The following MGMT variants were observed in gnomAD, a reference collection of about 807,000 sequenced individuals.
MGMT encodes methylated-DNA--protein-cysteine methyltransferase.
Under a neutral mutation model 15.9 loss-of-function variants are expected in MGMT, and 14 were observed. That is an observed-to-expected ratio of 0.88 (90% CI 0.58 to 1.37). The LOEUF (loss-of-function observed/expected upper bound fraction) is 1.37. Ranked by LOEUF, MGMT falls within the 40% of genes most tolerant of loss-of-function variation. MGMT has a pLI of 0.00. For synonymous variants in MGMT, 130 were observed against 118.2 expected, an observed-to-expected ratio of 1.10 and a Z score of -0.65; for missense variants, 282 against 268.1, an observed-to-expected ratio of 1.05 and a Z score of -0.36.
At chr10:129,671,925 G>A (rs921917049) in intron 2 of MGMT, among the ~76,000 whole-genome samples, 1 of 152,152 alleles carries the variant, frequency 6.6e-6, no homozygotes, top group African/African-American at 2.4e-5. Flanking sequence ...GAATCAGCTG[G>A]CTATACAGAA....
chr10:129,734,458 G>C (rs1022457450), intron 3 of MGMT, among the ~76,000 whole-genome samples: 1 of 150,800 alleles, frequency 6.6e-6, no homozygotes, highest in African/African-American at 2.4e-5. Flanking sequence ...AGGAGATTTT[G>C]GGCTGAGACA....
intron 2 of MGMT, among the ~76,000 whole-genome samples, chr10:129,665,295 C>G (rs1178446775): frequency 7.2e-6 from 1 of 139,428 alleles, no homozygotes; most frequent in East Asian, 2.1e-4. Flanking sequence ...CCAACTCTCT[C>G]TCTCCCAACT....
intron 3 of MGMT, among the ~76,000 whole-genome samples, chr10:129,746,100 G>A (rs184506436): frequency 0.013 from 1,928 of 151,938 alleles, 39 homozygotes; most frequent in African/African-American, 0.043. Flanking sequence ...TTAGCCAGGC[G>A]TGGTGGCAGG....
intron 3 of MGMT, among the ~76,000 whole-genome samples, chr10:129,755,879 C>A (rs1023225420): frequency 2.0e-5 from 3 of 152,208 alleles, no homozygotes; most frequent in African/African-American, 7.2e-5. Context: ...CAGAGCCAGG[C>A]TGGTCCCGGT....
At chr10:129,650,879 C>T (rs1432214545) in intron 2 of MGMT, among the ~76,000 whole-genome samples, 2 of 152,316 alleles carry the variant, frequency 1.3e-5, no homozygotes, top group Non-Finnish European at 2.9e-5. Flanking sequence ...TCAGGAGAGC[C>T]AGGTGTGCCA....
chr10:129,749,698 G>C (rs1296879783), intron 3 of MGMT, among the ~76,000 whole-genome samples: 1 of 152,146 alleles, frequency 6.6e-6, no homozygotes, highest in Non-Finnish European at 1.5e-5. Flanking sequence ...TTGCAAAACA[G>C]TCTTCCAAAG....
At chr10:129,670,691 TA>T (rs1847711106) in intron 2 of MGMT, among the ~76,000 whole-genome samples, 2 of 152,118 alleles carry the variant, frequency 1.3e-5, no homozygotes, top group Admixed American at 1.3e-4. Flanking sequence ...CTACAGACAT[TA>T]AAAGATTATG....
intron 2 of MGMT, among the ~76,000 whole-genome samples, chr10:129,662,358 C>A (rs1335428362): frequency 6.6e-6 from 1 of 152,066 alleles, no homozygotes; most frequent in Admixed American, 6.5e-5. Flanking sequence ...GACTGAGGGG[C>A]CTCCCAGGAC....
At chr10:129,568,609 G>C (rs1846382050) in intron 2 of MGMT, among the ~76,000 whole-genome samples, 2 of 152,162 alleles carry the variant, frequency 1.3e-5, no homozygotes, top group South Asian at 4.1e-4. Flanking sequence ...CTTTTTATAG[G>C]CTGAATTAAG....
At chr10:129,584,572 G>A (rs1216271895) in intron 2 of MGMT, among the ~76,000 whole-genome samples, 1 of 151,920 alleles carries the variant, frequency 6.6e-6, no homozygotes, top group Non-Finnish European at 1.5e-5. Context: ...TGTAATTTTA[G>A]AAGATTTAAA....
At chr10:129,687,764 T>G (rs1312679009) in intron 2 of MGMT, among the ~76,000 whole-genome samples, 4 of 151,770 alleles carry the variant, frequency 2.6e-5, no homozygotes, top group African/African-American at 4.8e-5. Flanking sequence ...TTGTTACGTA[T>G]GTATACATGT....
chr10:129,507,351 A>G (rs1845636209), intron 1 of MGMT, among the ~76,000 whole-genome samples: 2 of 152,104 alleles, frequency 1.3e-5, no homozygotes, highest in African/African-American at 4.8e-5. Flanking sequence ...TGGCCTGGAG[A>G]CATCGCAGTG....
intron 2 of MGMT, among the ~76,000 whole-genome samples, chr10:129,571,392 G>A (rs1254605896): frequency 6.6e-6 from 1 of 152,202 alleles, no homozygotes; most frequent in African/African-American, 2.4e-5. Context: ...GGGCAAAGAT[G>A]CCTGCTACCC....
In MGMT at chr10:129,487,441, T is replaced by C. The variant is rs773970130; in HGVS notation, c.-13+20145T>C. 3.3e-5 allele frequency among the ~76,000 whole-genome samples: 5 copies of C among 152,192 alleles called. No individual in the cohort carries two copies. In the East Asian group the frequency reaches 5.8e-4, roughly 18 times the overall value. ...TAAAGAATAGGAATGTGTGTGTGTATGTATGGTATATACACTATATTATCA... is the reference window on the plus strand; with the variant it reads ...TAAAGAATAGGAATGTGTGTGTGTACGTATGGTATATACACTATATTATCA... On this transcript the variant is annotated intron_variant, in intron 1 of 4. Transcript: ENST00000651593.
intron 1 of MGMT, among the ~76,000 whole-genome samples, chr10:129,482,367 A>G (rs992909044): frequency 2.0e-5 from 3 of 152,202 alleles, no homozygotes; most frequent in African/African-American, 7.2e-5. Context: ...GGATGTTTGA[A>G]AAGTGTATAC....
Position 129,536,234 on chromosome 10 carries a change from T to C in MGMT, c.-12-7T>C. ...TACACTTTGTCTTAAAAATTATTTC[T>C]GTTTAGGTACTTGGAAAAATGGACA... is the stretch of plus-strand genomic sequence containing the variant. On this transcript the variant is annotated splice_region_variant and splice_polypyrimidine_tract_variant and intron_variant, in intron 1 of 4. Coordinates refer to ENST00000651593, the MANE Select transcript of MGMT (RefSeq NM_002412.5). 21 of 1,613,766 alleles carry C rather than the reference T, an allele frequency of 1.3e-5. No homozygotes were observed. Among genetic ancestry groups the C allele is most frequent in the Non-Finnish European group, 1.8e-5 (21 of 1,179,920 alleles).
chr10:129,645,118 C>CTTTTTTTTTTTT (rs10606297), intron 2 of MGMT, among the ~76,000 whole-genome samples: 3 of 121,950 alleles, frequency 2.5e-5, no homozygotes, highest in Admixed American at 8.6e-5. Flanking sequence ...CCTGAAAGCC[C>CTTTTTTTTTTTT]TTTTTTTTTT....
At chr10:129,507,019 C>G (rs1845632581) in intron 1 of MGMT, among the ~76,000 whole-genome samples, 1 of 152,178 alleles carries the variant, frequency 6.6e-6, no homozygotes, top group Non-Finnish European at 1.5e-5. Flanking sequence ...TACTTGAGAT[C>G]CCCAAACCTC....
intron 2 of MGMT, among the ~76,000 whole-genome samples, chr10:129,574,401 G>A (rs1846455520): frequency 6.6e-6 from 1 of 152,192 alleles, no homozygotes; most frequent in South Asian, 2.1e-4. Flanking sequence ...CTCACATACT[G>A]TGGCGAAGAG....
Sources: allele counts gnomAD v4.1 joint callset (sites outside exome capture counted in the v4.1 genomes callset), GRCh38; gene constraint gnomAD v4.1.1; transcripts MANE v1.5; gene names NCBI Gene and HGNC (gene_info 2026-07-23, HGNC 2026-07-21).